The following ZNF582 variants were observed in gnomAD, a reference collection of about 807,000 sequenced individuals.
The protein encoded by ZNF582 is zinc finger protein 582.
A neutral mutation model predicts 12.3 loss-of-function variants in ZNF582; 14 were observed. The observed-to-expected ratio is 1.14, with a 90% CI of 0.75 to 1.78. The LOEUF (loss-of-function observed/expected upper bound fraction) is 1.78, where lower values mean the gene tolerates loss of function less well. Among genes scored for constraint, ZNF582 ranks in the 40% most tolerant of loss-of-function variants. The pLI, the probability that ZNF582 is intolerant of heterozygous loss-of-function variation, is 0.00. For missense variants in ZNF582, 567 were observed against 616.5 expected, an observed-to-expected ratio of 0.92 and a Z score of 0.85; for synonymous variants, 210 against 207.2, an observed-to-expected ratio of 1.01 and a Z score of -0.11.
chr19:56,384,060 A>G, exon 5 of ZNF582: 3 of 1,611,560 alleles, frequency 1.9e-6, no homozygotes, highest in South Asian at 1.1e-5. Flanking sequence ...CATTCCTTAT[A>G]TTCATAGGGC....
At chr19:56,390,556 G>C in intron 2 of ZNF582, 55 bp from the exon 3 acceptor site, 1 of 1,600,526 alleles carries the variant, frequency 6.2e-7, no homozygotes, top group Non-Finnish European at 8.5e-7. Context: ...ACAGTGGGAT[G>C]AAAGGAGATG....
exon 3 of ZNF582, chr19:56,390,500 C>G (rs1451788192): frequency 1.2e-6 from 2 of 1,614,014 alleles, no homozygotes; most frequent in Non-Finnish European, 1.7e-6. Flanking sequence ...CAATTCTGAC[C>G]CCTGGAATGA....
chr19:56,384,185 G>A, exon 5 of ZNF582: 1 of 1,608,218 alleles, frequency 6.2e-7, no homozygotes. Flanking sequence ...GTAATGTACA[G>A]TAAGATGTGA....
At chr19:56,388,020 G>A (rs112507230) in intron 4 of ZNF582, among the ~76,000 whole-genome samples, 5,644 of 152,098 alleles carry the variant, frequency 0.037, 138 homozygotes, top group Middle Eastern at 0.1. Context: ...TTCATGTGAG[G>A]TTTGGCATTC....
exon 5 of ZNF582, chr19:56,383,682 C>T: frequency 3.2e-6 from 2 of 630,282 alleles, no homozygotes; most frequent in Non-Finnish European, 4.6e-6. Flanking sequence ...AAAATTTCTC[C>T]CAACCTTTCC....
chr19:56,385,318 G>T, intron 4 of ZNF582, 134 bp from the exon 5 acceptor site: 1 of 887,616 alleles, frequency 1.1e-6, no homozygotes, highest in Non-Finnish European at 1.6e-6. Flanking sequence ...AAATGGACAA[G>T]TAGAACAGTG....
At chr19:56,391,918 C>T (rs2042017127) in intron 1 of ZNF582, 86 bp from the exon 2 acceptor site, 1 of 1,131,126 alleles carries the variant, frequency 8.8e-7, no homozygotes, top group African/African-American at 1.6e-5. Flanking sequence ...CCTGCTTGCC[C>T]TCTGCCCACC....
chr19:56,392,492 A>C (rs1310707677), intron 1 of ZNF582, among the ~76,000 whole-genome samples: 1 of 152,254 alleles, frequency 6.6e-6, no homozygotes, highest in African/African-American at 2.4e-5. Flanking sequence ...CTGCATGTCC[A>C]ATAATATTTG....
At chr19:56,384,873 G>C in exon 5 of ZNF582, 3 of 1,611,248 alleles carry the variant, frequency 1.9e-6, no homozygotes, top group Non-Finnish European at 2.5e-6. Flanking sequence ...AGTTCCTTTT[G>C]CCAGAAGTCT....
chr19:56,384,666 C>T (rs1161332265), exon 5 of ZNF582: 9 of 1,613,944 alleles, frequency 5.6e-6, no homozygotes, highest in Admixed American at 5.0e-5. Flanking sequence ...GGTTTCTCAC[C>T]AGTATGAACT....
chr19:56,385,162 G>A (rs769712388), exon 5 of ZNF582: 4 of 1,603,508 alleles, frequency 2.5e-6, no homozygotes, highest in Non-Finnish European at 3.4e-6. Flanking sequence ...ATAATTCCTT[G>A]GTATCATATC....
In ZNF582 at chr19:56,389,984, A is replaced by G. The variant is rs761298610; in HGVS notation, c.232+17T>C. ...TACCTGCAGTGGCTGCTCCCTTCCC[A>G]ATGATACCTCACTCACCTGGACACA... On this transcript the variant is annotated intron_variant, in intron 4 of 4. Transcript: ENST00000586929. 132 of 1,610,118 alleles carry G rather than the reference A, an allele frequency of 8.2e-5. 1 individual carries two copies. The highest frequency in any genetic ancestry group is 1.0e-4 in the Non-Finnish European group (121 of 1,177,024).
exon 5 of ZNF582, chr19:56,383,439 T>G (rs186339964): frequency 6.4e-6 from 1 of 155,552 alleles, no homozygotes; most frequent in Non-Finnish European, 1.4e-5. Flanking sequence ...TCCTCCAGTG[T>G]AGCTTTGGCT....
chr19:56,389,987 G>C lies in ZNF582; in HGVS notation c.232+14C>G. On this transcript the variant is annotated intron_variant, in intron 4 of 4. Transcript: ENST00000586929. ...CTGCAGTGGCTGCTCCCTTCCCAAT[G>C]ATACCTCACTCACCTGGACACAGGC... 1 of 1,610,520 alleles carries C rather than the reference G, an allele frequency of 6.2e-7. No homozygotes were observed. Among genetic ancestry groups the C allele is most frequent in the South Asian group, 1.1e-5 (1 of 90,886 alleles).
intron 4 of ZNF582, among the ~76,000 whole-genome samples, chr19:56,388,878 A>C (rs2041992692): frequency 6.6e-6 from 1 of 152,050 alleles, no homozygotes; most frequent in Non-Finnish European, 1.5e-5. Flanking sequence ...CAGCCTCCCA[A>C]AGTGCTGGGA....
chr19:56,393,209 T>G lies in ZNF582; in HGVS notation c.-81+11A>C. On this transcript the variant is annotated intron_variant, in intron 1 of 4. Transcript: ENST00000586929. ...GCAATTTCAGGGGGTCGGAGACCCC[T>G]GCGCACCCACCTAAGGGGTCCATGC... 2 of 1,263,040 alleles carry G rather than the reference T, an allele frequency of 1.6e-6. No individual in the cohort carries two copies. Among genetic ancestry groups the G allele is most frequent in the Non-Finnish European group, 2.0e-6 (2 of 982,118 alleles). 78.2% of individuals were successfully genotyped at this position (1,263,040 alleles called of 1,614,324 possible).
At chr19:56,393,319 GT>G (rs2042033763) in exon 1 of ZNF582, 1 of 1,186,534 alleles carries the variant, frequency 8.4e-7, no homozygotes, top group African/African-American at 1.6e-5. Context: ...TCTCACGCCG[GT>G]AAAGCCACAG....
chr19:56,384,643 T>G (rs2041948950), exon 5 of ZNF582: 1 of 1,614,038 alleles, frequency 6.2e-7, no homozygotes, highest in Non-Finnish European at 8.5e-7. Context: ...TCTCACAATC[T>G]TTACATTCAT....
At position 56,391,902 on chromosome 19, in the gene ZNF582, T is replaced by A. The variant is rs1343282631; in HGVS notation, c.-80-70A>T. The A allele has an allele frequency of 5.2e-6, 7 of 1,353,524 alleles. No individual in the cohort carries two copies. The East Asian group carries it at 1.2e-4, about 23-fold the overall frequency. 83.8% of individuals were successfully genotyped at this position (1,353,524 alleles called of 1,614,324 possible). A position where few individuals can be genotyped will look rare whatever the true frequency, so the allele number is the denominator to read the frequency against. ...AGTTCCTAGAATGCCAAGTTACAAG[T>A]CCCCACCTGCTTGCCCTCTGCCCAC... On this transcript the variant is annotated intron_variant, in intron 1 of 4. Coordinates refer to ENST00000586929, the Ensembl canonical transcript of ZNF582.
Sources: gnomAD v4.1 joint callset for allele counts (sites outside exome capture counted in the v4.1 genomes callset) on GRCh38, gnomAD v4.1.1 for gene constraint, MANE v1.5 for transcripts, NCBI Gene and HGNC (gene_info 2026-07-23, HGNC 2026-07-21) for gene names.